Variants in TEX26 observed in about 807,000 individuals in gnomAD.
TEX26 encodes the protein testis expressed 26, also known as testis-expressed protein 26.
In TEX26, 34 loss-of-function variants were observed where a neutral mutation model predicts 35.3. That is an observed-to-expected ratio of 0.96 (90% confidence interval 0.73 to 1.28). TEX26 has a LOEUF of 1.28. Among genes scored for constraint, TEX26 ranks in the 50% most tolerant of loss-of-function variants. TEX26 has a pLI of 0.00. For synonymous variants in TEX26, 136 were observed against 111.8 expected (o/e 1.22, Z -1.36); for missense variants, 371 against 330.1 (o/e 1.12, Z -0.96).
chr13:30,966,247 CTTG>C lies in TEX26; in HGVS notation c.497_499del (p.Leu166del). 1 of 1,613,914 alleles carries C rather than the reference CTTG, an allele frequency of 6.2e-7. No individual in the cohort carries two copies. Among genetic ancestry groups the C allele is most frequent in the Non-Finnish European group, 8.5e-7 (1 of 1,179,972 alleles). On this transcript the variant is annotated inframe_deletion, in exon 5 of 7. Transcript: ENST00000380473. ...CTCAGAAGATTAAGAAAAGTTCTCA[CTTG>C]TCTCTGGAATGGAAAAAGTTACTTC...
intron 2 of TEX26, among the ~76,000 whole-genome samples, chr13:30,949,287 T>G (rs918373917): frequency 2.0e-5 from 3 of 152,166 alleles, no homozygotes; most frequent in Admixed American, 2.0e-4. Flanking sequence ...AAATACAGAC[T>G]TTTTTGATAA....
chr13:30,937,729 T>C (rs1953327115), intron 1 of TEX26, among the ~76,000 whole-genome samples: 1 of 151,716 alleles, frequency 6.6e-6, no homozygotes, highest in Non-Finnish European at 1.5e-5. Flanking sequence ...AGTTACAGAG[T>C]GGGGAATACA....
chr13:30,934,802 G>A (rs1177631100), intron 1 of TEX26, among the ~76,000 whole-genome samples: 1 of 152,200 alleles, frequency 6.6e-6, no homozygotes, highest in African/African-American at 2.4e-5. Context: ...GGAGCAAGCA[G>A]GAGCCCTGCA....
intron 1 of TEX26, chr13:30,936,975 A>G: frequency 1.0e-6 from 1 of 985,428 alleles, no homozygotes; most frequent in Non-Finnish European, 1.2e-6. Context: ...CAATGGAGGT[A>G]AAAAGCATAG....
intron 2 of TEX26, among the ~76,000 whole-genome samples, chr13:30,942,832 A>C (rs931145671): frequency 6.6e-6 from 1 of 151,876 alleles, no homozygotes; most frequent in African/African-American, 2.4e-5. Flanking sequence ...ATTCTGTTCC[A>C]TTGGTCAATG....
chr13:30,954,758 A>T (rs1340469766), intron 3 of TEX26, among the ~76,000 whole-genome samples: 1 of 152,180 alleles, frequency 6.6e-6, no homozygotes, highest in Non-Finnish European at 1.5e-5. Context: ...ATGCTTGGTC[A>T]TCCTTTATAT....
chr13:30,952,661 C>G lies in TEX26; in HGVS notation c.148C>G (p.Gln50Glu). 1 of 1,573,820 alleles carries G rather than the reference C, an allele frequency of 6.4e-7. No individual in the cohort carries two copies. The highest frequency in any genetic ancestry group is 8.6e-7 in the Non-Finnish European group (1 of 1,165,068). The change falls in exon 3 of 7, where the codon CAA becomes GAA. Residue 50 changes from glutamine to glutamate, a missense_variant and splice_region_variant. Physicochemically the swap from Gln to Glu is conservative, Grantham distance 29. Transcript: ENST00000380473. ...KTGAVPALIR[Q>E]NGIRRLGYTY... ...AATTTCTGCTGGGTTTTTTTATAGC[C>G]AAAACGGTATCAGAAGATTAGGATA...
intron 4 of TEX26, among the ~76,000 whole-genome samples, chr13:30,964,826 A>G (rs1954471672): frequency 1.3e-5 from 2 of 152,202 alleles, no homozygotes; most frequent in Admixed American, 6.5e-5. Context: ...CCTTTTTGTC[A>G]GGAACCCACT....
intron 2 of TEX26, among the ~76,000 whole-genome samples, chr13:30,949,697 GT>G (rs2138232138): frequency 6.6e-6 from 1 of 152,018 alleles, no homozygotes; most frequent in South Asian, 2.1e-4. Context: ...TGTATAAGTT[GT>G]TTGTGAAGTG....
At chr13:30,967,387 G>A (rs1954575202) in intron 5 of TEX26, among the ~76,000 whole-genome samples, 1 of 152,038 alleles carries the variant, frequency 6.6e-6, no homozygotes, top group Non-Finnish European at 1.5e-5. Context: ...TCCACTTCAG[G>A]GTAGCCCCAT....
intron 2 of TEX26, among the ~76,000 whole-genome samples, chr13:30,951,519 A>T (rs890713701): frequency 9.2e-5 from 14 of 151,856 alleles, no homozygotes; most frequent in Admixed American, 2.0e-4. Flanking sequence ...GCCCTTTTTT[A>T]AAAAAAAGTC....
chr13:30,932,877 C>A, intron 1 of TEX26, 101 bp downstream of exon 1: 1 of 1,353,286 alleles, frequency 7.4e-7, no homozygotes, highest in Non-Finnish European at 1.0e-6. Flanking sequence ...AAGGGTGTGG[C>A]ATCGCTCTTA....
chr13:30,944,208 T>A (rs1029503093), intron 2 of TEX26, among the ~76,000 whole-genome samples: 1 of 152,032 alleles, frequency 6.6e-6, no homozygotes, highest in Admixed American at 6.6e-5. Flanking sequence ...TTCCAAGAAT[T>A]TATTCATTTC....
Position 30,951,662 on chromosome 13 carries a change from A to T in TEX26, c.147-998A>T, listed in dbSNP as rs1340781314. Among the ~76,000 whole-genome samples, 4 of 152,180 alleles carry T rather than the reference A, an allele frequency of 2.6e-5. No homozygotes were observed. In the South Asian group the frequency reaches 6.2e-4, roughly 24 times the overall value. ...TAATCCTTCCCACTAGAGTATGTGG[A>T]AGCAAATCCCAGGCATTGTATCATT... On this transcript the variant is annotated intron_variant, in intron 2 of 6. Coordinates refer to ENST00000380473, the MANE Select transcript of TEX26 (RefSeq NM_152325.3).
chr13:30,936,863 G>A (rs1953292518), intron 1 of TEX26: 3 of 985,400 alleles, frequency 3.0e-6, no homozygotes, highest in Non-Finnish European at 3.6e-6. Context: ...AACATACTAG[G>A]AACAGATTTT....
chr13:30,941,498 T>G (rs1953509683), intron 2 of TEX26, among the ~76,000 whole-genome samples: 1 of 152,240 alleles, frequency 6.6e-6, no homozygotes, highest in South Asian at 2.1e-4. Flanking sequence ...AATTTTAACT[T>G]TTTTATTTCA....
At chr13:30,963,316 A>G (rs1954417951) in intron 4 of TEX26, among the ~76,000 whole-genome samples, 1 of 152,142 alleles carries the variant, frequency 6.6e-6, no homozygotes, top group Admixed American at 6.5e-5. Context: ...GGGAGGCGTC[A>G]TTGGGTCAGG....
rs770925498 is a variant in TEX26 at position 30,968,936 on chromosome 13, A to C, written c.698A>C (p.Gln233Pro). ...AGGAACCAAGAGCACACAAAGAAAC[A>C]GACCACATACCAAAGTGACTACGAC... is the stretch of plus-strand genomic sequence containing the variant. ...YLRNQEHTKK[Q>P]TTYQSDYDKT... The change falls in exon 6 of 7, where the codon CAG (glutamine) becomes CCG (proline). Residue 233 changes from glutamine (Q) to proline (P), a missense_variant. By Grantham distance (76) the Gln-to-Pro change is moderately conservative. Transcript: ENST00000380473. 1.9e-6 allele frequency: 3 copies of C among 1,614,166 alleles called. No homozygotes were observed. Among genetic ancestry groups the C allele is most frequent in the Non-Finnish European group, 1.7e-6 (2 of 1,180,000 alleles).
chr13:30,953,058 C>T (rs930499173), intron 3 of TEX26, among the ~76,000 whole-genome samples: 15 of 152,156 alleles, frequency 9.9e-5, no homozygotes, highest in Admixed American at 2.6e-4. Flanking sequence ...GTGAAATTTA[C>T]GTAATATAAA....
Sources: allele counts gnomAD v4.1 joint callset (sites outside exome capture counted in the v4.1 genomes callset), GRCh38; gene constraint gnomAD v4.1.1; transcripts MANE v1.5; gene names NCBI Gene and HGNC (gene_info 2026-07-23, HGNC 2026-07-21).